RTTN: variants seen among roughly 807,000 people sequenced by gnomAD.
The protein encoded by RTTN is rotatin.
RTTN carries 182 observed loss-of-function variants against 269.2 expected under a neutral mutation model. The observed-to-expected ratio is 0.68, with a 90% CI of 0.60 to 0.76. RTTN has a LOEUF of 0.76. Ranked by LOEUF, RTTN falls within the 30% of genes least tolerant of loss-of-function variation. The probability of loss-of-function intolerance (pLI) is 0.00; values close to 1 mark genes in which losing one functional copy is unlikely to be tolerated. For missense variants in RTTN, 2,545 were observed against 2,608.6 expected (o/e 0.98, Z 0.53); for synonymous variants, 1,006 against 963.5 (o/e 1.04, Z -0.82).
intron 8 of RTTN, 57 bp downstream of exon 8, chr18:70,193,229 AAC>A (rs977338941): frequency 4.2e-5 from 60 of 1,442,350 alleles, no homozygotes; most frequent in Non-Finnish European, 4.9e-5. Flanking sequence ...TTCTGAAATT[AAC>A]ACACACACAA....
intron 46 of RTTN, chr18:70,008,846 T>C (rs1456692739): frequency 5.9e-5 from 9 of 152,040 alleles, no homozygotes. Flanking sequence ...TTCAGGATAT[T>C]AAATGCAAGA....
chr18:70,188,430 CA>C (rs1450047081), intron 9 of RTTN, among the ~76,000 whole-genome samples: 4 of 152,110 alleles, frequency 2.6e-5, no homozygotes, highest in African/African-American at 9.7e-5. Context: ...TACTACATAA[CA>C]AATCAAATAC....
intron 10 of RTTN, among the ~76,000 whole-genome samples, chr18:70,185,822 G>A (rs946154308): frequency 6.6e-6 from 1 of 151,788 alleles, no homozygotes; most frequent in Non-Finnish European, 1.5e-5. Flanking sequence ...AGTTCAGCAA[G>A]GCCACCAAAT....
At chr18:70,177,489 AAATATGAAGAAG>A (rs2061331015) in intron 10 of RTTN, among the ~76,000 whole-genome samples, 1 of 152,214 alleles carries the variant, frequency 6.6e-6, no homozygotes, top group Non-Finnish European at 1.5e-5. Flanking sequence ...GGTATACATT[AAATATGAAGAAG>A]AATCTATGCA....
rs559814705 is a variant in RTTN at position 70,177,565 on chromosome 18, A to C, written c.1306-720T>G. Reference sequence around the variant, plus strand: ...TATAGACAAAGTATATCCCAGATATACTGATATGCCCCCATAAACTAGCGG... The same window carrying C: ...TATAGACAAAGTATATCCCAGATATCCTGATATGCCCCCATAAACTAGCGG... On this transcript the variant is annotated intron_variant, in intron 10 of 48. Coordinates refer to ENST00000640769, the MANE Select transcript of RTTN (RefSeq NM_173630.4). Among the ~76,000 whole-genome samples, 6 of 152,274 alleles carry C rather than the reference A, an allele frequency of 3.9e-5. No homozygotes were observed. In the East Asian group the frequency reaches 1.2e-3, roughly 29 times the overall value.
chr18:70,138,351 TC>T (rs1318214547), intron 21 of RTTN: 2 of 152,192 alleles, frequency 1.3e-5, no homozygotes, highest in Non-Finnish European at 2.9e-5. Flanking sequence ...CTATATTCAT[TC>T]TCAAACTCAT....
intron 25 of RTTN, among the ~76,000 whole-genome samples, chr18:70,126,780 C>T (rs1012298080): frequency 2.0e-5 from 3 of 152,060 alleles, no homozygotes; most frequent in Non-Finnish European, 2.9e-5. Context: ...CAGCACACCA[C>T]TGGAAAGCCT....
At chr18:70,166,827 T>C (rs1420611858) in intron 13 of RTTN, 92 bp downstream of exon 13, 5 of 784,092 alleles carry the variant, frequency 6.4e-6, no homozygotes, top group South Asian at 1.8e-5. Context: ...ATAACAAAGA[T>C]ATACAGTCAG....
chr18:70,103,334 A>G lies in RTTN; in HGVS notation c.3903+6164T>C, dbSNP rs190124903. ...AAAAGAAAAGGGGGAAATGTGGGGA[A>G]AAGAAAGAGAGATCAGATTGTTACT... On this transcript the variant is annotated intron_variant, in intron 28 of 48. Coordinates refer to ENST00000640769, the MANE Select transcript of RTTN (RefSeq NM_173630.4). Among the ~76,000 whole-genome samples the G allele has an allele frequency of 2.0e-3, 300 of 152,164 alleles. 4 individuals carry two copies. Among genetic ancestry groups the G allele is most frequent in the African/African-American group, 6.5e-3 (269 of 41,516 alleles).
intron 45 of RTTN, chr18:70,020,019 T>C (rs1278668267): frequency 6.6e-6 from 1 of 152,206 alleles, no homozygotes; most frequent in Non-Finnish European, 1.5e-5. Context: ...CAATTAGGGA[T>C]TCTGTTTATA....
chr18:70,009,262 A>T (rs1403169117), intron 46 of RTTN, among the ~76,000 whole-genome samples: 1 of 151,840 alleles, frequency 6.6e-6, no homozygotes, highest in Non-Finnish European at 1.5e-5. Context: ...CGGCCTCCTG[A>T]GTAGCTGGGA....
rs540516448 is a variant in RTTN at position 70,109,507 on chromosome 18, A to T, written c.3894T>A (p.Gly1298=). 1 of 1,613,834 alleles carries T rather than the reference A, an allele frequency of 6.2e-7. No individual in the cohort carries two copies. The highest frequency in any genetic ancestry group is 1.7e-5 in the Admixed American group (1 of 60,022). ...TGCTATTTTTACTTACCTCAAGGAG[A>T]CCTGACAAGTACTTCACACAGATAT... ...PLDICVKYLS[G]LLEVITSFYV... is the part of the protein sequence containing the mutation. The change falls in exon 28 of 49, where the codon GGT becomes GGA. Residue 1298 remains glycine, a synonymous_variant. Coordinates refer to ENST00000640769, the MANE Select transcript of RTTN (RefSeq NM_173630.4).
intron 40 of RTTN, among the ~76,000 whole-genome samples, chr18:70,039,009 A>G (rs958857339): frequency 6.6e-6 from 1 of 152,228 alleles, no homozygotes; most frequent in Non-Finnish European, 1.5e-5. Flanking sequence ...CTTGAAGGCA[A>G]GCTATTTGAA....
intron 46 of RTTN, among the ~76,000 whole-genome samples, chr18:70,013,569 T>A (rs2056457587): frequency 6.6e-6 from 1 of 152,208 alleles, no homozygotes; most frequent in Non-Finnish European, 1.5e-5. Context: ...AACTCTCATA[T>A]AAACATTTAA....
chr18:70,205,223 C>T lies in RTTN; in HGVS notation c.124G>A (p.Glu42Lys). ...AGCAAATGAAGAAAAAGTTGCCTCTCCTGAATGAGATCAGCGTAGCAGATT... is the reference window on the plus strand; with the variant it reads ...AGCAAATGAAGAAAAAGTTGCCTCTTCTGAATGAGATCAGCGTAGCAGATT... ...NLICYADLIQ[E>K]RQLFLHLLEW... Residue 42 changes from glutamate to lysine, a missense_variant, in exon 2 of 49, where the codon GAG (glutamate) becomes AAG (lysine). Transcript: ENST00000640769. 1.9e-6 allele frequency: 3 copies of T among 1,614,218 alleles called. No homozygotes were observed. Among genetic ancestry groups the T allele is most frequent in the Non-Finnish European group, 2.5e-6 (3 of 1,180,038 alleles).
chr18:70,202,401 T>A (rs887691829), intron 3 of RTTN, among the ~76,000 whole-genome samples: 1 of 152,230 alleles, frequency 6.6e-6, no homozygotes, highest in Non-Finnish European at 1.5e-5. Context: ...TATCTTTCAA[T>A]ACCTTTACAA....
chr18:70,044,155 T>C (rs553474912), intron 40 of RTTN, among the ~76,000 whole-genome samples: 1 of 152,346 alleles, frequency 6.6e-6, no homozygotes, highest in South Asian at 2.1e-4. Flanking sequence ...ATAGGCTTTT[T>C]AATTACAGTG....
chr18:70,017,644 C>T lies in RTTN; in HGVS notation c.6184G>A (p.Ala2062Thr). 6.2e-7 allele frequency: 1 copy of T among 1,613,074 alleles called. No homozygotes were observed. Among genetic ancestry groups the T allele is most frequent in the Non-Finnish European group, 8.5e-7 (1 of 1,179,412 alleles). The part of the protein sequence containing the change: ...SNFLQNFLSL[A>T]LPKGGNKHLS... ...TGTTTATTTCCTCCTTTTGGCAATG[C>T]TAGAGAGAGGAAGTTCTGTAAGAAG... The change falls in exon 46 of 49, where the codon GCA (alanine) becomes ACA (threonine). Residue 2062 changes from alanine to threonine, a missense_variant. Coordinates refer to ENST00000640769, the MANE Select transcript of RTTN (RefSeq NM_173630.4).
chr18:70,148,587 C>T (rs1054484980), intron 17 of RTTN, among the ~76,000 whole-genome samples: 12 of 152,136 alleles, frequency 7.9e-5, no homozygotes, highest in African/African-American at 2.7e-4. Flanking sequence ...GATGGGAATG[C>T]ACTATAATTT....
Sources: gnomAD v4.1 joint callset for allele counts (sites outside exome capture counted in the v4.1 genomes callset) on GRCh38, gnomAD v4.1.1 for gene constraint, MANE v1.5 for transcripts, NCBI Gene and HGNC (gene_info 2026-07-23, HGNC 2026-07-21) for gene names.